Variants in ERMP1 observed in about 807,000 individuals in gnomAD.
ERMP1 encodes the protein Felix-ina.
ERMP1 carries 86 observed loss-of-function variants against 92.0 expected under a neutral mutation model. The ratio of observed to expected loss-of-function variants is 0.93; its 90% CI spans 0.79 to 1.12. ERMP1 has a LOEUF of 1.12. Ranked by LOEUF, ERMP1 falls within the 50% of genes most tolerant of loss-of-function variation. The pLI is 0.00. For synonymous variants in ERMP1, 530 were observed against 412.8 expected (o/e 1.28, Z -3.44); for missense variants, 1,342 against 1,116.3 (o/e 1.20, Z -2.88).
rs1340024941 is a variant in ERMP1, at chr9:5,830,803, T to C, written c.564A>G (p.Val188=). 6 of 1,614,074 alleles carry C rather than the reference T, an allele frequency of 3.7e-6. No individual in the cohort carries two copies. The highest frequency in any genetic ancestry group is 3.3e-5 in the Admixed American group (2 of 60,010). ...GGGCTCCATCTCTGGGTTCCAGCTTTACCACAACATTGGTGATGTTGTCAT... is the reference window on the plus strand; with the variant it reads ...GGGCTCCATCTCTGGGTTCCAGCTTCACCACAACATTGGTGATGTTGTCAT... ...SYYDNITNVV[V]KLEPRDGAQH... The change falls in exon 2 of 15, where the codon GTA becomes GTG. Residue 188 remains valine, a synonymous_variant. Coordinates refer to ENST00000339450, the MANE Select transcript of ERMP1 (RefSeq NM_024896.3).
intron 5 of ERMP1, among the ~76,000 whole-genome samples, chr9:5,862,750 C>T (rs1030229915): frequency 6.6e-5 from 10 of 152,196 alleles, no homozygotes; most frequent in African/African-American, 2.4e-4. Flanking sequence ...ATCCTTAAGG[C>T]CCACAACTGA....
chr9:5,865,040 CCAAA>C (rs1423625411), intron 5 of ERMP1, among the ~76,000 whole-genome samples: 2 of 151,898 alleles, frequency 1.3e-5, no homozygotes, highest in African/African-American at 2.4e-5. Flanking sequence ...ACACAATTGG[CCAAA>C]CATTTAGAAA....
rs942954750 is a variant in ERMP1, at chr9:5,786,145, A to G, written c.*999T>C. The G allele has an allele frequency of 2.0e-5, 3 of 152,254 alleles. No individual in the cohort carries two copies. Among genetic ancestry groups the G allele is most frequent in the Non-Finnish European group, 4.4e-5 (3 of 68,066 alleles). 9.4% of individuals were successfully genotyped at this position (152,254 alleles called of 1,614,324 possible). A position where few individuals can be genotyped will look rare whatever the true frequency, so the allele number is the denominator to read the frequency against. On this transcript the variant is annotated 3_prime_UTR_variant, in exon 15 of 15. Coordinates refer to ENST00000339450, the MANE Select transcript of ERMP1 (RefSeq NM_024896.3). ...AACTAATCTATTCAACTGGCTGGAA[A>G]ACAAAAAGATAGGCCCAGTGCATCA...
At chr9:5,809,311 C>G (rs139828490) in intron 8 of ERMP1, among the ~76,000 whole-genome samples, 2 of 152,220 alleles carry the variant, frequency 1.3e-5, no homozygotes, top group African/African-American at 2.4e-5. Flanking sequence ...TGAGCCACCG[C>G]GCCCGGCCAG....
At chr9:5,842,434 CAAA>C (rs57411750) in intron 6 of ERMP1, among the ~76,000 whole-genome samples, 12 of 107,886 alleles carry the variant, frequency 1.1e-4, no homozygotes, top group Non-Finnish European at 1.7e-4. Flanking sequence ...GAGACTGTCT[CAAA>C]AAAAAAAAAA....
intron 6 of ERMP1, among the ~76,000 whole-genome samples, chr9:5,850,405 C>CAAAAAAAAAAAAAAAAAAAAAAAAAA: frequency 2.5e-5 from 1 of 40,596 alleles, no homozygotes; most frequent in Non-Finnish European, 4.0e-5. Context: ...AACTCCGTCT[C>CAAAAAAAAAAAAAAAAAAAAAAAAAA]AAAAAAAAAA....
chr9:5,859,863 T>A (rs927056001), intron 5 of ERMP1, among the ~76,000 whole-genome samples: 2 of 152,218 alleles, frequency 1.3e-5, no homozygotes, highest in African/African-American at 4.8e-5. Flanking sequence ...CATTACTAAG[T>A]ATTTAGATTT....
rs1361896526 is a variant in ERMP1 at position 5,785,263 on chromosome 9, G to C, written c.*1881C>G. On this transcript the variant is annotated 3_prime_UTR_variant, in exon 15 of 15. Transcript: ENST00000339450. ...GAGTAAAGGCATCCTTCCCATAGAG[G>C]GGGGGAATTCACAGGGAACACTAAT... 1 of 152,142 alleles carries C rather than the reference G, an allele frequency of 6.6e-6. No homozygotes were observed. Among genetic ancestry groups the C allele is most frequent in the Non-Finnish European group, 1.5e-5 (1 of 68,022 alleles). 9.4% of individuals were successfully genotyped at this position (152,142 alleles called of 1,614,324 possible).
intron 7 of ERMP1, 125 bp from the exon 8 acceptor site, chr9:5,810,356 AAATGTCCTAGTGTTGAG>A: frequency 1.5e-6 from 1 of 652,138 alleles, no homozygotes; most frequent in South Asian, 1.9e-5. Flanking sequence ...AAAAGTATGA[AAATGTCCTAGTGTTGAG>A]ATTGGCCAAA....
At chr9:5,853,894 ACT>A (rs1049133794) in intron 6 of ERMP1, among the ~76,000 whole-genome samples, 2 of 150,994 alleles carry the variant, frequency 1.3e-5, no homozygotes, top group Non-Finnish European at 2.9e-5. Context: ...GGGTGGTGAG[ACT>A]CTCTGTCTTC....
intron 13 of ERMP1, among the ~76,000 whole-genome samples, chr9:5,792,000 G>A (rs545051036): frequency 1.3e-5 from 2 of 152,240 alleles, no homozygotes; most frequent in East Asian, 3.9e-4. Flanking sequence ...GGGAGAGGAG[G>A]GCAGAGAAAT....
intron 6 of ERMP1, among the ~76,000 whole-genome samples, chr9:5,854,279 T>C (rs1182107209): frequency 6.6e-6 from 1 of 152,032 alleles, no homozygotes; most frequent in Admixed American, 6.6e-5. Flanking sequence ...TCAGAGTGAA[T>C]CTTTGGAATA....
chr9:5,811,439 T>A, intron 6 of ERMP1, 116 bp from the exon 7 acceptor site: 1 of 731,200 alleles, frequency 1.4e-6, no homozygotes, highest in South Asian at 2.1e-5. Flanking sequence ...ATATACTGTT[T>A]GAATGAAGAA....
intron 13 of ERMP1, among the ~76,000 whole-genome samples, chr9:5,788,833 T>C (rs933317297): frequency 1.3e-5 from 2 of 151,844 alleles, no homozygotes; most frequent in Non-Finnish European, 2.9e-5. Flanking sequence ...GAAGGAAGAA[T>C]TAAAAGGACC....
At chr9:5,839,739 T>A (rs957923738) in intron 6 of ERMP1, among the ~76,000 whole-genome samples, 1 of 152,086 alleles carries the variant, frequency 6.6e-6, no homozygotes, top group African/African-American at 2.4e-5. Flanking sequence ...CTTCTTCAGG[T>A]CTTTACTGGC....
At chr9:5,836,015 G>A (rs1225766268), upstream of ERMP1, among the ~76,000 whole-genome samples, 2 of 152,190 alleles carry the variant, frequency 1.3e-5, no homozygotes, top group Admixed American at 1.3e-4. Flanking sequence ...ATTGATCATG[G>A]GGTTGAGTCA....
intron 12 of ERMP1, 59 bp from the exon 13 acceptor site, chr9:5,797,991 C>T: frequency 2.0e-6 from 2 of 1,024,644 alleles, no homozygotes. Context: ...CTATCTGTAA[C>T]TCACAGAACT....
rs762934035 is a variant in ERMP1, at chr9:5,830,888, T to C, written c.479A>G (p.Asp160Gly). 1.2e-6 allele frequency: 2 copies of C among 1,614,156 alleles called. No homozygotes were observed. Among genetic ancestry groups the C allele is most frequent in the South Asian group, 2.2e-5 (2 of 91,080 alleles). ...QSNSLHKISV[D>G]VQRPTGSFSI... The stretch of plus-strand genomic sequence containing the variant: ...AAAAGAGCCTGTGGGCCGTTGTACA[T>C]CTACTGAAATCTTATGAAGGCTGTT... The change falls in exon 2 of 15, where the codon GAT (aspartate) becomes GGT (glycine). Residue 160 changes from aspartate (D) to glycine (G), a missense_variant. Coordinates refer to ENST00000339450, the MANE Select transcript of ERMP1 (RefSeq NM_024896.3).
intron 8 of ERMP1, among the ~76,000 whole-genome samples, chr9:5,806,577 C>T (rs1828881028): frequency 6.6e-6 from 1 of 151,864 alleles, no homozygotes; most frequent in Non-Finnish European, 1.5e-5. Flanking sequence ...TATAGGCACA[C>T]ACCACTACAC....
Sources: allele counts gnomAD v4.1 joint callset (sites outside exome capture counted in the v4.1 genomes callset), GRCh38; gene constraint gnomAD v4.1.1; transcripts MANE v1.5; gene names NCBI Gene and HGNC (gene_info 2026-07-23, HGNC 2026-07-21).